Variants in ETFA observed in about 807,000 individuals in gnomAD.
ETFA encodes the protein electron transfer flavoprotein subunit alpha, mitochondrial.
In ETFA, 22 loss-of-function variants were observed where a neutral mutation model predicts 46.2. That is an observed-to-expected ratio of 0.48 (90% CI 0.34 to 0.68). The LOEUF is 0.68. Among genes scored for constraint, ETFA ranks in the 30% least tolerant of loss-of-function variants. ETFA has a pLI of 0.01. For missense variants in ETFA, 345 were observed against 401.1 expected (o/e 0.86, Z 1.19); for synonymous variants, 131 against 139.9 (o/e 0.94, Z 0.45).
chr15:76,289,595 T>C (rs761156643), intron 4 of ETFA, among the ~76,000 whole-genome samples: 1 of 152,196 alleles, frequency 6.6e-6, no homozygotes, highest in Non-Finnish European at 1.5e-5. Context: ...ATTAAAAATA[T>C]ATCCCATCCA....
intron 7 of ETFA, among the ~76,000 whole-genome samples, chr15:76,284,146 A>G (rs921687117): frequency 6.6e-6 from 1 of 152,216 alleles, no homozygotes; most frequent in African/African-American, 2.4e-5. Context: ...TCTACATATA[A>G]TAGATGCTCA....
At chr15:76,266,626 G>A (rs536102799) in intron 9 of ETFA, among the ~76,000 whole-genome samples, 119 of 152,268 alleles carry the variant, frequency 7.8e-4, no homozygotes, top group African/African-American at 2.6e-3. Context: ...AAATTTGGCC[G>A]GGTGCGGTGA....
At chr15:76,228,142 G>A (rs1472691958) in intron 10 of ETFA, 2 of 365,316 alleles carry the variant, frequency 5.5e-6, no homozygotes, top group Non-Finnish European at 1.1e-5. Context: ...ACATCTGGGA[G>A]TTTAATCATC....
chr15:76,225,814 C>T lies in ETFA; in HGVS notation c.963+35G>A, dbSNP rs1338898648. On this transcript the variant is annotated intron_variant, in intron 11 of 11. Transcript: ENST00000557943. ...TTCTGAGAGTTTCTCGGATGACAAT[C>T]TAGATAATAGCAATTTCTCTCAAGG... is the stretch of plus-strand genomic sequence containing the variant. The T allele has an allele frequency of 4.0e-6, 5 of 1,253,724 alleles. No homozygotes were observed. In the African/African-American group the frequency reaches 4.4e-5, roughly 11 times the overall value. 77.7% of individuals were successfully genotyped at this position (1,253,724 alleles called of 1,614,324 possible).
intron 4 of ETFA, among the ~76,000 whole-genome samples, chr15:76,291,094 TAGTCCTAGCTACTCAGA>T (rs1271555755): frequency 6.6e-6 from 1 of 152,078 alleles, no homozygotes; most frequent in African/African-American, 2.4e-5. Flanking sequence ...CATGTACCTG[TAGTCCTAGCTACTCAGA>T]AGGCTAGGAT....
intron 7 of ETFA, 29 bp from the exon 8 acceptor site, chr15:76,283,854 T>C (rs372401760): frequency 4.0e-5 from 60 of 1,493,656 alleles, no homozygotes; most frequent in East Asian, 3.2e-4. Flanking sequence ...AAAAAAAAAT[T>C]AGGCAAACAT....
chr15:76,270,510 C>T (rs1269935091), intron 9 of ETFA, among the ~76,000 whole-genome samples: 1 of 152,166 alleles, frequency 6.6e-6, no homozygotes, highest in African/African-American at 2.4e-5. Flanking sequence ...CACACACATT[C>T]TCTAGCTTTT....
intron 8 of ETFA, among the ~76,000 whole-genome samples, chr15:76,282,077 T>C (rs1413095545): frequency 6.6e-6 from 1 of 151,750 alleles, no homozygotes; most frequent in Admixed American, 6.6e-5. Context: ...CTAATTTTTA[T>C]ATTTTTGGTA....
intron 9 of ETFA, among the ~76,000 whole-genome samples, chr15:76,262,628 G>A (rs577391985): frequency 7.9e-5 from 12 of 151,774 alleles, no homozygotes; most frequent in Admixed American, 2.6e-4. Context: ...GACTACAGGC[G>A]CCTGCCACCA....
At chr15:76,293,524 A>G (rs1170076130) in intron 2 of ETFA, among the ~76,000 whole-genome samples, 1 of 152,196 alleles carries the variant, frequency 6.6e-6, no homozygotes, top group Admixed American at 6.5e-5. Context: ...TGGGGTTCTG[A>G]GAAAGCTTTT....
At chr15:76,295,936 C>CTTTTTTTTTTTTGTTTTTTTTTTT (rs2039816858) in intron 1 of ETFA, among the ~76,000 whole-genome samples, 199 bp from the exon 2 acceptor site, 1 of 46,602 alleles carries the variant, frequency 2.1e-5, no homozygotes, top group Non-Finnish European at 4.2e-5. Context: ...CACTAATATT[C>CTTTTTTTTTTTTGTTTTTTTTTTT]TTTTTTTTTT....
chr15:76,303,488 C>T (rs1163863585), intron 1 of ETFA, among the ~76,000 whole-genome samples: 2 of 151,512 alleles, frequency 1.3e-5, no homozygotes, highest in Non-Finnish European at 2.9e-5. Flanking sequence ...AACTAAAGAG[C>T]TTCTGCACAG....
At chr15:76,272,567 T>C (rs1344333572) in intron 9 of ETFA, among the ~76,000 whole-genome samples, 1 of 152,108 alleles carries the variant, frequency 6.6e-6, no homozygotes, top group Non-Finnish European at 1.5e-5. Context: ...GTGGGTCTGC[T>C]GATCTTTTAT....
At chr15:76,246,419 A>G (rs1418126931) in intron 9 of ETFA, among the ~76,000 whole-genome samples, 6 of 152,244 alleles carry the variant, frequency 3.9e-5, no homozygotes, top group South Asian at 2.1e-4. Flanking sequence ...GGTATCCACT[A>G]AAAACAGACA....
At chr15:76,283,124 A>G (rs1368890743) in intron 8 of ETFA, among the ~76,000 whole-genome samples, 1 of 152,036 alleles carries the variant, frequency 6.6e-6, no homozygotes, top group Non-Finnish European at 1.5e-5. Context: ...TAAGACCACC[A>G]AAAAAAAGAT....
chr15:76,294,898 A>C (rs1447364563), intron 2 of ETFA, among the ~76,000 whole-genome samples: 1 of 152,168 alleles, frequency 6.6e-6, no homozygotes, highest in Non-Finnish European at 1.5e-5. Flanking sequence ...TACTCCCTTC[A>C]GATTTATTCC....
At position 76,221,677 on chromosome 15, in the gene ETFA, T is replaced by C. The variant is rs145547803; in HGVS notation, c.963+4172A>G. Reference sequence around the variant, plus strand: ...TCTCATTTAATCTTCATTACAACCTTTAAAGAGGTAGTGTAATATTTACAT... The same window carrying C: ...TCTCATTTAATCTTCATTACAACCTCTAAAGAGGTAGTGTAATATTTACAT... On this transcript the variant is annotated intron_variant, in intron 11 of 11. Coordinates refer to ENST00000557943, the MANE Select transcript of ETFA (RefSeq NM_000126.4). 1.2e-3 allele frequency among the ~76,000 whole-genome samples: 176 copies of C among 152,308 alleles called. 1 individual carries two copies. The highest frequency in any genetic ancestry group is 4.1e-3 in the African/African-American group (169 of 41,566).
intron 8 of ETFA, among the ~76,000 whole-genome samples, chr15:76,278,480 G>A (rs755223211): frequency 3.9e-5 from 6 of 152,030 alleles, no homozygotes; most frequent in South Asian, 2.1e-4. Context: ...TCCCTCTTCC[G>A]GCTGATTAAG....
At position 76,286,408 on chromosome 15, in the gene ETFA, A is replaced by G. The variant is rs1430556154; in HGVS notation, c.525T>C (p.Ala175=). Residue 175 remains alanine (A), a synonymous_variant, in exon 6 of 12, where the codon GCT becomes GCC. Coordinates refer to ENST00000557943, the MANE Select transcript of ETFA (RefSeq NM_000126.4). ...VFSVRGTSFD[A]AATSGGSASS... ...TGGCACTACCGCCACTTGTTGCTGC[A>G]GCATCAAAGGATGTTCCACGGACAG... The G allele has an allele frequency of 6.2e-7, 1 of 1,613,600 alleles. No individual in the cohort carries two copies. The highest frequency in any genetic ancestry group is 1.7e-5 in the Admixed American group (1 of 60,028).
Sources: gnomAD v4.1 joint callset for allele counts (sites outside exome capture counted in the v4.1 genomes callset) on GRCh38, gnomAD v4.1.1 for gene constraint, MANE v1.5 for transcripts, NCBI Gene and HGNC (gene_info 2026-07-23, HGNC 2026-07-21) for gene names.